The following WWP2 variants were observed in gnomAD, a reference collection of about 807,000 sequenced individuals.
WWP2 encodes the protein WW domain containing E3 ubiquitin protein ligase 2.
Under a neutral mutation model 121.0 loss-of-function variants are expected in WWP2, and 57 were observed. That is an observed-to-expected ratio of 0.47 (90% CI 0.38 to 0.59). The LOEUF (loss-of-function observed/expected upper bound fraction) is 0.59. WWP2 is among the 20% of genes least tolerant of loss of function. The probability of loss-of-function intolerance (pLI) is 0.00; values close to 1 mark genes in which losing one functional copy is unlikely to be tolerated. For synonymous variants in WWP2, 449 were observed against 441.3 expected (o/e 1.02, Z -0.22); for missense variants, 962 against 1,158.9 (o/e 0.83, Z 2.47).
At chr16:69,883,152 C>CAA (rs111625113) in intron 7 of WWP2, among the ~76,000 whole-genome samples, 1 of 121,012 alleles carries the variant, frequency 8.3e-6, no homozygotes, top group African/African-American at 2.9e-5. Context: ...GACTCCATCT[C>CAA]AAAAAAAAAA....
chr16:69,809,982 G>A (rs543536475), intron 4 of WWP2, among the ~76,000 whole-genome samples: 3 of 152,310 alleles, frequency 2.0e-5, no homozygotes, highest in Admixed American at 6.5e-5. Flanking sequence ...GTGTCAAATC[G>A]TGCATACAGT....
chr16:69,799,086 A>G lies in WWP2; in HGVS notation c.219-88A>G. 1 of 1,535,344 alleles carries G rather than the reference A, an allele frequency of 6.5e-7. No individual in the cohort carries two copies. Among genetic ancestry groups the G allele is most frequent in the Non-Finnish European group, 8.8e-7 (1 of 1,142,208 alleles). ...CTGCCTGTTTTGGTTCCCCCTCCCC[A>G]AGATGTCAGCAGTTTAGTTTAAATG... On this transcript the variant is annotated intron_variant, in intron 3 of 23. Transcript: ENST00000359154. This position sits in a 1 kb window ranked among gnomAD's most constrained non-coding sequence, Gnocchi z 4.5.
At chr16:69,850,755 A>T in intron 6 of WWP2, among the ~76,000 whole-genome samples, 1 of 152,210 alleles carries the variant, frequency 6.6e-6, no homozygotes, top group Non-Finnish European at 1.5e-5. Context: ...ATAGCGTAGC[A>T]AACTAGGGTT....
chr16:69,898,840 A>G (rs559169385), intron 8 of WWP2, among the ~76,000 whole-genome samples: 1 of 152,238 alleles, frequency 6.6e-6, no homozygotes, highest in East Asian at 1.9e-4. Flanking sequence ...AGTAGCTGGG[A>G]TTACAGGCAT....
intron 4 of WWP2, among the ~76,000 whole-genome samples, chr16:69,822,635 G>T (rs1283841296): frequency 6.6e-6 from 1 of 152,016 alleles, no homozygotes; most frequent in Non-Finnish European, 1.5e-5. Context: ...AGAGAAAAAG[G>T]AATCGTCTAG....
At chr16:69,833,331 C>T (rs1567692322) in intron 4 of WWP2, among the ~76,000 whole-genome samples, 3 of 152,352 alleles carry the variant, frequency 2.0e-5, no homozygotes, top group East Asian at 1.9e-4. Context: ...TGCTGTGTGT[C>T]TCCCTAAAGT....
chr16:69,882,898 C>G (rs1204277697), intron 7 of WWP2, among the ~76,000 whole-genome samples: 1 of 152,068 alleles, frequency 6.6e-6, no homozygotes, highest in Non-Finnish European at 1.5e-5. Context: ...CATGCCTGTA[C>G]TCCCAGAACT....
In WWP2 at chr16:69,826,962, G is replaced by A. The variant is rs375594780; in HGVS notation, c.341-13164G>A. On this transcript the variant is annotated intron_variant, in intron 4 of 23. Transcript: ENST00000359154. ...TCAAAAAAAAAAAAAAAAGGGGGGGGGGCGGAGAGAATAATGGACCATCTA... is the reference window on the plus strand; with the variant it reads ...TCAAAAAAAAAAAAAAAAGGGGGGGAGGCGGAGAGAATAATGGACCATCTA... Among the ~76,000 whole-genome samples the A allele has an allele frequency of 2.1e-4, 27 of 129,824 alleles. 1 individual carries two copies. The highest frequency in any genetic ancestry group is 6.8e-4 in the African/African-American group (24 of 35,534). The allele number at this position is 129,824 out of a possible 152,430, so 85.2% of individuals were successfully genotyped here.
chr16:69,872,728 G>T (rs1294036094), intron 7 of WWP2, among the ~76,000 whole-genome samples: 1 of 152,224 alleles, frequency 6.6e-6, no homozygotes, highest in African/African-American at 2.4e-5. Flanking sequence ...ACTTGGGGGT[G>T]TGCAGGGGCC....
At position 69,925,402 on chromosome 16, in the gene WWP2, T is replaced by C. The variant is rs1281772462; in HGVS notation, c.1180-28T>C. The C allele has an allele frequency of 1.2e-6, 2 of 1,609,026 alleles. No homozygotes were observed. Among genetic ancestry groups the C allele is most frequent in the East Asian group, 2.2e-5 (1 of 44,858 alleles). ...TTCACCAGTGGCTTTTTGTAACCTC[T>C]GTGTTCTGCTGTGTTTCTTGTGTTT... On this transcript the variant is annotated intron_variant, in intron 10 of 23. Coordinates refer to ENST00000359154, the MANE Select transcript of WWP2 (RefSeq NM_001270454.2). This position sits in a 1 kb window ranked among gnomAD's most constrained non-coding sequence, Gnocchi z 4.0.
At chr16:69,789,250 G>A (rs750532036) in intron 2 of WWP2, among the ~76,000 whole-genome samples, 1 of 151,962 alleles carries the variant, frequency 6.6e-6, no homozygotes, top group East Asian at 1.9e-4. Context: ...GTTTTTTTGA[G>A]ATGGAGTCTC....
At chr16:69,907,020 G>A (rs2058305338) in intron 8 of WWP2, among the ~76,000 whole-genome samples, 1 of 152,204 alleles carries the variant, frequency 6.6e-6, no homozygotes, top group Admixed American at 6.5e-5. Context: ...TTTTACACAT[G>A]TTAAATGATT....
intron 4 of WWP2, among the ~76,000 whole-genome samples, chr16:69,826,970 A>G (rs1214023910): frequency 2.7e-5 from 4 of 147,308 alleles, no homozygotes; most frequent in Admixed American, 7.0e-5. Flanking sequence ...GGGGGCGGAG[A>G]GAATAATGGA....
chr16:69,890,112 G>A (rs942380587), intron 8 of WWP2, among the ~76,000 whole-genome samples: 1 of 149,760 alleles, frequency 6.7e-6, no homozygotes. Context: ...GCACCACCAT[G>A]CCTGGATAAT....
Position 69,793,859 on chromosome 16 carries a change from G to T in WWP2, c.71-4823G>T, listed in dbSNP as rs570231004. 1.9e-4 allele frequency among the ~76,000 whole-genome samples: 27 copies of T among 141,894 alleles called. 2 individuals carry two copies. The South Asian group carries it at 6.4e-3, about 34-fold the overall frequency. 93.1% of individuals were successfully genotyped at this position (141,894 alleles called of 152,430 possible). A position where few individuals can be genotyped will look rare whatever the true frequency, so the allele number is the denominator to read the frequency against. On this transcript the variant is annotated intron_variant, in intron 2 of 23. Coordinates refer to ENST00000359154, the MANE Select transcript of WWP2 (RefSeq NM_001270454.2). Reference sequence around the variant, plus strand: ...CCATAATCCTAACCTTGTGGCTGTTGATTAGTTTTACAAAGGTGGTTTCGT... The same window carrying T: ...CCATAATCCTAACCTTGTGGCTGTTTATTAGTTTTACAAAGGTGGTTTCGT...
At chr16:69,936,628 G>T in intron 19 of WWP2, 176 bp downstream of exon 19, 1 of 825,582 alleles carries the variant, frequency 1.2e-6, no homozygotes. Flanking sequence ...GGGAACCAAA[G>T]CCGAGGTCCT....
At position 69,931,905 on chromosome 16, in the gene WWP2, C is replaced by T; in HGVS notation, c.1682+15C>T. 6.2e-7 allele frequency: 1 copy of T among 1,609,734 alleles called. No homozygotes were observed. The highest frequency in any genetic ancestry group is 8.5e-7 in the Non-Finnish European group (1 of 1,178,134). Reference sequence around the variant, plus strand: ...GGCATCGCCAGGTGAGCTTGAGTGCCCCGGAAGGCTGCCCTGTACCCCGCT... The same window carrying T: ...GGCATCGCCAGGTGAGCTTGAGTGCTCCGGAAGGCTGCCCTGTACCCCGCT... On this transcript the variant is annotated intron_variant, in intron 16 of 23. Coordinates refer to ENST00000359154, the MANE Select transcript of WWP2 (RefSeq NM_001270454.2).
At chr16:69,928,580 T>C (rs1276092241) in intron 11 of WWP2, among the ~76,000 whole-genome samples, 1 of 152,052 alleles carries the variant, frequency 6.6e-6, no homozygotes, top group Non-Finnish European at 1.5e-5. Flanking sequence ...TCCATGAACA[T>C]TCCCCTGTCT....
At chr16:69,846,049 C>CAA (rs57201672) in intron 6 of WWP2, among the ~76,000 whole-genome samples, 5,592 of 45,474 alleles carry the variant, frequency 0.12, 723 homozygotes, top group Middle Eastern at 0.24. Context: ...GACTCCATCT[C>CAA]AAAAAAAAAA....
Sources: gnomAD v4.1 joint callset for allele counts (sites outside exome capture counted in the v4.1 genomes callset) on GRCh38, gnomAD v4.1.1 for gene constraint, Gnocchi (gnomAD v3.1) non-coding constraint, MANE v1.5 for transcripts, NCBI Gene and HGNC (gene_info 2026-07-23, HGNC 2026-07-21) for gene names.